NTRK2: variants seen among roughly 807,000 people sequenced by gnomAD.
The protein encoded by NTRK2 is BDNF/NT-3 growth factors receptor.
Under a neutral mutation model 94.5 loss-of-function variants are expected in NTRK2, and 13 were observed. The observed-to-expected ratio is 0.14, with a 90% CI of 0.09 to 0.22. NTRK2 has a LOEUF of 0.22. Among genes scored for constraint, NTRK2 ranks in the 10% least tolerant of loss-of-function variants. The pLI is 1.00. For missense variants in NTRK2, 639 were observed against 1,071.2 expected (o/e 0.60, Z 5.63); for synonymous variants, 372 against 407.4 (o/e 0.91, Z 1.05).
chr9:84,843,075 G>C (rs1028955716), intron 12 of NTRK2, among the ~76,000 whole-genome samples: 4 of 152,172 alleles, frequency 2.6e-5, no homozygotes, highest in African/African-American at 4.8e-5. Context: ...CTGTAGGAAT[G>C]GGGGGTCATA....
chr9:84,707,456 G>A (rs2061176492), intron 4 of NTRK2, among the ~76,000 whole-genome samples: 1 of 151,994 alleles, frequency 6.6e-6, no homozygotes, highest in African/African-American at 2.4e-5. Context: ...TTAGTTTTAA[G>A]GCATATTTTT....
chr9:84,795,958 C>CTT (rs970690802), intron 12 of NTRK2, among the ~76,000 whole-genome samples: 1 of 140,424 alleles, frequency 7.1e-6, no homozygotes, highest in Admixed American at 7.1e-5. Context: ...GATTACTTTT[C>CTT]TTTTTTTTTT....
chr9:84,672,510 TGGA>T (rs1683469678), intron 2 of NTRK2, among the ~76,000 whole-genome samples: 2 of 152,144 alleles, frequency 1.3e-5, no homozygotes, highest in South Asian at 4.2e-4. Context: ...AGTAGTTAGA[TGGA>T]GAAGGCCATA....
intron 14 of NTRK2, among the ~76,000 whole-genome samples, chr9:84,885,078 T>G (rs2076372478): frequency 2.0e-5 from 3 of 152,336 alleles, no homozygotes; most frequent in African/African-American, 7.2e-5. Context: ...TAGAAAGAAG[T>G]AGGGCATTGG....
At chr9:84,779,143 G>C (rs990428330) in intron 12 of NTRK2, among the ~76,000 whole-genome samples, 2 of 152,148 alleles carry the variant, frequency 1.3e-5, no homozygotes, top group Admixed American at 1.3e-4. Flanking sequence ...ACATGGACAA[G>C]AGTAAAAATA....
At chr9:84,900,098 G>T (rs2076881803) in intron 14 of NTRK2, among the ~76,000 whole-genome samples, 1 of 152,200 alleles carries the variant, frequency 6.6e-6, no homozygotes, top group African/African-American at 2.4e-5. Context: ...CATGAGACAT[G>T]ACACCAAATG....
intron 12 of NTRK2, among the ~76,000 whole-genome samples, chr9:84,782,460 T>G (rs765610002): frequency 5.9e-5 from 9 of 152,230 alleles, no homozygotes; most frequent in Non-Finnish European, 7.3e-5. Flanking sequence ...TACCTAGCTT[T>G]GCTGTGGCTG....
At chr9:84,964,378 A>G (rs556095713) in intron 17 of NTRK2, among the ~76,000 whole-genome samples, 1 of 152,272 alleles carries the variant, frequency 6.6e-6, no homozygotes, top group South Asian at 2.1e-4. Flanking sequence ...GGAGGTCCTC[A>G]CCCTGCTTCA....
At chr9:84,842,979 G>A (rs1334726579) in intron 12 of NTRK2, among the ~76,000 whole-genome samples, 2 of 152,106 alleles carry the variant, frequency 1.3e-5, no homozygotes, top group East Asian at 3.9e-4. Flanking sequence ...ATAATTCTTG[G>A]CATCTAAGAG....
At chr9:84,982,811 A>G (rs1827807552) in intron 17 of NTRK2, among the ~76,000 whole-genome samples, 1 of 152,244 alleles carries the variant, frequency 6.6e-6, no homozygotes, top group Admixed American at 6.5e-5. Context: ...AAATAATTTC[A>G]AAGATATGAT....
intron 2 of NTRK2, among the ~76,000 whole-genome samples, chr9:84,672,300 C>T (rs978865250): frequency 5.9e-5 from 9 of 152,084 alleles, no homozygotes; most frequent in East Asian, 1.9e-4. Context: ...TGAGATGTGT[C>T]GGGAGCAGCC....
rs932952451 is a variant in NTRK2 at position 84,934,148 on chromosome 9, T to C, written c.1634-14T>C. On this transcript the variant is annotated splice_polypyrimidine_tract_variant and intron_variant, in intron 14 of 18. Coordinates refer to ENST00000277120, the MANE Select transcript of NTRK2 (RefSeq NM_006180.6). Reference sequence around the variant, plus strand: ...TGCTTCAATTCCAATTTCCATTCTGTCTTTGTTTTGCAGTTGTTCAGCACA... The same window carrying C: ...TGCTTCAATTCCAATTTCCATTCTGCCTTTGTTTTGCAGTTGTTCAGCACA... The C allele has an allele frequency of 1.3e-5, 21 of 1,613,610 alleles. No homozygotes were observed. Among genetic ancestry groups the C allele is most frequent in the Admixed American group, 1.7e-5 (1 of 59,976 alleles).
At chr9:84,753,253 A>C (rs533273964) in intron 12 of NTRK2, among the ~76,000 whole-genome samples, 106 of 152,144 alleles carry the variant, frequency 7.0e-4, no homozygotes, top group African/African-American at 2.5e-3. Context: ...TTCATTCTCC[A>C]ATTATAAATA....
chr9:84,924,604 C>T (rs1344013403), intron 14 of NTRK2, among the ~76,000 whole-genome samples: 5 of 152,176 alleles, frequency 3.3e-5, no homozygotes, highest in South Asian at 2.1e-4. Flanking sequence ...GATGTCAAAG[C>T]GAAGGATGTA....
intron 11 of NTRK2, among the ~76,000 whole-genome samples, chr9:84,746,629 C>A (rs552723628): frequency 1.3e-5 from 2 of 152,200 alleles, no homozygotes; most frequent in South Asian, 4.1e-4. Flanking sequence ...CCCTGGGTGA[C>A]CTCGTCCTTC....
chr9:84,823,826 T>C (rs1207972316), intron 12 of NTRK2, among the ~76,000 whole-genome samples: 3 of 152,220 alleles, frequency 2.0e-5, no homozygotes, highest in Non-Finnish European at 4.4e-5. Context: ...TTGCCGTTTG[T>C]GACTTTCTGG....
chr9:84,743,113 T>G (rs1165027970), intron 10 of NTRK2, among the ~76,000 whole-genome samples: 1 of 152,182 alleles, frequency 6.6e-6, no homozygotes, highest in Non-Finnish European at 1.5e-5. Context: ...TATTAGCTTT[T>G]GATGGAATAT....
intron 12 of NTRK2, among the ~76,000 whole-genome samples, chr9:84,849,486 G>T (rs532357633): frequency 1.1e-4 from 16 of 152,240 alleles, no homozygotes; most frequent in Middle Eastern, 6.8e-3. Context: ...TACCAAATTT[G>T]GTTCTCAATT....
At chr9:84,915,573 G>A (rs1018232936) in intron 14 of NTRK2, among the ~76,000 whole-genome samples, 3 of 152,084 alleles carry the variant, frequency 2.0e-5, no homozygotes, top group East Asian at 1.9e-4. Context: ...ATGCTGACAC[G>A]ATTGTTCTTG....
Sources: gnomAD v4.1 joint callset for allele counts (sites outside exome capture counted in the v4.1 genomes callset) on GRCh38, gnomAD v4.1.1 for gene constraint, MANE v1.5 for transcripts, NCBI Gene and HGNC (gene_info 2026-07-23, HGNC 2026-07-21) for gene names.